WWP2: variants seen among roughly 807,000 people sequenced by gnomAD.
WWP2 encodes the protein NEDD4-like E3 ubiquitin-protein ligase WWP2.
Under a neutral mutation model 121.0 loss-of-function variants are expected in WWP2, and 57 were observed. The ratio of observed to expected loss-of-function variants is 0.47; its 90% CI spans 0.38 to 0.59. WWP2 has a LOEUF of 0.59. Ranked by LOEUF, WWP2 falls within the 20% of genes least tolerant of loss-of-function variation. WWP2 has a pLI of 0.00. For synonymous variants in WWP2, 449 were observed against 441.3 expected (o/e 1.02, Z -0.22); for missense variants, 962 against 1,158.9 (o/e 0.83, Z 2.47).
chr16:69,795,020 G>C (rs1446125078), intron 2 of WWP2, among the ~76,000 whole-genome samples: 1 of 152,050 alleles, frequency 6.6e-6, no homozygotes, highest in African/African-American at 2.4e-5. Flanking sequence ...GATTCCTTGA[G>C]CCCAGGAGTT....
chr16:69,784,635 C>T (rs1421050649), intron 1 of WWP2, among the ~76,000 whole-genome samples: 1 of 152,140 alleles, frequency 6.6e-6, no homozygotes, highest in Non-Finnish European at 1.5e-5. Flanking sequence ...GAAGTCTTGA[C>T]TCCTGAGCAC....
intron 1 of WWP2, among the ~76,000 whole-genome samples, chr16:69,769,119 C>T (rs1428894752): frequency 6.6e-6 from 1 of 152,086 alleles, no homozygotes; most frequent in African/African-American, 2.4e-5. Flanking sequence ...GAGATCGAGA[C>T]CATCCTGGCT....
At chr16:69,857,544 C>T (rs187098372) in intron 6 of WWP2, among the ~76,000 whole-genome samples, 2 of 152,152 alleles carry the variant, frequency 1.3e-5, no homozygotes, top group African/African-American at 2.4e-5. Context: ...GACTGGCTCC[C>T]GGCCTGAAGG....
At chr16:69,880,792 C>T (rs1393516847) in intron 7 of WWP2, among the ~76,000 whole-genome samples, 2 of 152,156 alleles carry the variant, frequency 1.3e-5, no homozygotes, top group East Asian at 1.9e-4. Flanking sequence ...CCACATGTTA[C>T]GAGCTGATCT....
chr16:69,821,284 C>T (rs1309101726), intron 4 of WWP2, among the ~76,000 whole-genome samples: 1 of 152,216 alleles, frequency 6.6e-6, no homozygotes, highest in Non-Finnish European at 1.5e-5. Flanking sequence ...CTCAAAGTTG[C>T]AGCCGGGGCC....
intron 7 of WWP2, among the ~76,000 whole-genome samples, chr16:69,881,020 T>A (rs2057819017): frequency 6.6e-6 from 1 of 152,126 alleles, no homozygotes; most frequent in Non-Finnish European, 1.5e-5. Context: ...TGTGTCCCAG[T>A]CCTGAATGAA....
chr16:69,888,232 C>T lies in WWP2; in HGVS notation c.897C>T (p.Pro299=), dbSNP rs200856848. 171 of 1,614,106 alleles carry T rather than the reference C, an allele frequency of 1.1e-4. 3 individuals carry two copies. The Admixed American group carries it at 1.6e-3, about 15-fold the overall frequency. ...TQQLPAAAQA[P]DALPAGWEQR... The stretch of plus-strand genomic sequence containing the variant: ...AGCTCCCAGCGGCTGCCCAGGCCCC[C>T]GACGCTCTGCCTGCTGGGTGAGTAG... Residue 299 remains proline (P), a synonymous_variant, in exon 8 of 24, where the codon CCC becomes CCT. Coordinates refer to ENST00000359154, the MANE Select transcript of WWP2 (RefSeq NM_001270454.2).
intron 6 of WWP2, among the ~76,000 whole-genome samples, chr16:69,862,486 G>T (rs1393017755): frequency 6.6e-6 from 1 of 151,704 alleles, no homozygotes; most frequent in Non-Finnish European, 1.5e-5. Flanking sequence ...CCTGACCTCA[G>T]GCAATCCAAC....
intron 2 of WWP2, among the ~76,000 whole-genome samples, chr16:69,788,715 T>A (rs1367963482): frequency 6.6e-6 from 1 of 152,244 alleles, no homozygotes; most frequent in Non-Finnish European, 1.5e-5. Flanking sequence ...TTAATTAATT[T>A]ATTTCATTTG....
chr16:69,871,369 G>A (rs1206737379), intron 6 of WWP2, among the ~76,000 whole-genome samples: 1 of 152,214 alleles, frequency 6.6e-6, no homozygotes, highest in Non-Finnish European at 1.5e-5. Flanking sequence ...ATTGCCAAGG[G>A]AATCATCTTT....
At chr16:69,788,281 T>C (rs12921025) in intron 2 of WWP2, 141,322 of 152,676 alleles carry the variant, frequency 0.93, 65,601 homozygotes, top group Admixed American at 0.96. Context: ...ATTGTGCCAC[T>C]GCACTCCAGC....
intron 6 of WWP2, among the ~76,000 whole-genome samples, chr16:69,847,496 C>T (rs1391762526): frequency 6.6e-6 from 1 of 151,076 alleles, no homozygotes; most frequent in Non-Finnish European, 1.5e-5. Context: ...TGCAACTTCT[C>T]TCTCCCAGGT....
intron 6 of WWP2, among the ~76,000 whole-genome samples, chr16:69,845,409 C>T (rs2074393964): frequency 6.6e-6 from 1 of 152,086 alleles, no homozygotes; most frequent in African/African-American, 2.4e-5. Flanking sequence ...CCTTTGCTGT[C>T]CTTGCTTTCT....
chr16:69,777,130 GATAT>G (rs199913689), intron 1 of WWP2, among the ~76,000 whole-genome samples: 35 of 143,442 alleles, frequency 2.4e-4, no homozygotes, highest in Admixed American at 8.2e-4. Context: ...TACACATATG[GATAT>G]ATATACACAT....
intron 8 of WWP2, among the ~76,000 whole-genome samples, chr16:69,891,591 A>T (rs1366910970): frequency 6.6e-6 from 1 of 152,138 alleles, no homozygotes; most frequent in Admixed American, 6.5e-5. Context: ...GCAGTGCTAA[A>T]CAAGAAATGG....
At chr16:69,778,608 A>T (rs1019798780) in intron 1 of WWP2, among the ~76,000 whole-genome samples, 1 of 149,382 alleles carries the variant, frequency 6.7e-6, no homozygotes, top group Non-Finnish European at 1.5e-5. Flanking sequence ...GGTCGAAAGT[A>T]CTTTGATGGG....
chr16:69,884,291 C>T (rs765810279), intron 7 of WWP2, among the ~76,000 whole-genome samples: 1 of 152,114 alleles, frequency 6.6e-6, no homozygotes, highest in African/African-American at 2.4e-5. Context: ...CCCCTTTCCC[C>T]ACTAACTCCA....
intron 6 of WWP2, among the ~76,000 whole-genome samples, chr16:69,859,691 G>T (rs1567385852): frequency 6.6e-6 from 1 of 151,942 alleles, no homozygotes. Flanking sequence ...CTTCCCCCTG[G>T]CCCCGACCCC....
chr16:69,767,031 G>T (rs924755533), intron 1 of WWP2, among the ~76,000 whole-genome samples: 4 of 150,004 alleles, frequency 2.7e-5, no homozygotes, highest in East Asian at 1.9e-4. Context: ...TGGAATAGGG[G>T]TTTTGTTTTT....
Sources: gnomAD v4.1 joint callset for allele counts (sites outside exome capture counted in the v4.1 genomes callset) on GRCh38, gnomAD v4.1.1 for gene constraint, MANE v1.5 for transcripts, NCBI Gene and HGNC (gene_info 2026-07-23, HGNC 2026-07-21) for gene names.